EPHX1: variants seen among roughly 807,000 people sequenced by gnomAD.
The protein encoded by EPHX1 is epoxide hydrolase 1, also known as epoxide hydratase.
In EPHX1, 40 loss-of-function variants were observed where a neutral mutation model predicts 43.2. That is an observed-to-expected ratio of 0.93 (90% CI 0.72 to 1.21). EPHX1 has a LOEUF of 1.21. EPHX1 is among the 50% of genes most tolerant of loss of function. EPHX1 has a pLI of 0.00. For synonymous variants in EPHX1, 221 were observed against 226.7 expected, an observed-to-expected ratio of 0.98 and a Z score of 0.22; for missense variants, 550 against 570.4, an observed-to-expected ratio of 0.96 and a Z score of 0.36.
At position 225,845,350 on chromosome 1, in the gene EPHX1, C is replaced by A; in HGVS notation, c.*3C>A. ...TGTCGGTGCTGGAGCGGCAATGACC[C>A]ACCCCTCTCCCCCCGCCTGCCACCT... is the stretch of plus-strand genomic sequence containing the variant. On this transcript the variant is annotated 3_prime_UTR_variant, in exon 9 of 9. Transcript: ENST00000272167. 6.2e-7 allele frequency: 1 copy of A among 1,601,036 alleles called. No individual in the cohort carries two copies. The highest frequency in any genetic ancestry group is 8.5e-7 in the Non-Finnish European group (1 of 1,176,356).
rs753297238 is a variant in EPHX1, at chr1:225,845,363, C to T, written c.*16C>T. The T allele has an allele frequency of 1.3e-6, 2 of 1,563,720 alleles. No homozygotes were observed. The highest frequency in any genetic ancestry group is 2.3e-5 in the East Asian group (1 of 43,372). On this transcript the variant is annotated 3_prime_UTR_variant, in exon 9 of 9. Transcript: ENST00000272167. ...GCGGCAATGACCCACCCCTCTCCCC[C>T]CGCCTGCCACCTCCCCCCACAAGTG...
intron 3 of EPHX1, 108 bp downstream of exon 3, chr1:225,832,067 A>G (rs1667635757): frequency 4.8e-6 from 6 of 1,240,458 alleles, no homozygotes; most frequent in Non-Finnish European, 7.0e-6. Flanking sequence ...GAACCCAATT[A>G]TAGGTGACTG....
chr1:225,812,634 C>T (rs1666540471), intron 1 of EPHX1, among the ~76,000 whole-genome samples: 2 of 152,222 alleles, frequency 1.3e-5, no homozygotes, highest in Non-Finnish European at 2.9e-5. Flanking sequence ...CCTTGATTCC[C>T]GTTCTGGTAT....
intron 1 of EPHX1, among the ~76,000 whole-genome samples, chr1:225,826,411 C>T (rs963057684): frequency 9.6e-5 from 13 of 135,868 alleles, no homozygotes; most frequent in African/African-American, 2.6e-4. Context: ...TGCAGTGAGC[C>T]GAGATCGCAC....
chr1:225,828,791 G>C lies in EPHX1; in HGVS notation c.62G>C (p.Arg21Pro), dbSNP rs372505975. 7.4e-6 allele frequency: 12 copies of C among 1,613,788 alleles called. No individual in the cohort carries two copies. Among genetic ancestry groups the C allele is most frequent in the Non-Finnish European group, 9.3e-6 (11 of 1,179,974 alleles). ...TTTGCCATCTACTGGTTCATCTCCC[G>C]GGACAAAGAGGAAACTTTGCCACTT... ...LGFAIYWFIS[R>P]DKEETLPLED... Residue 21 changes from arginine to proline, a missense_variant, in exon 2 of 9, where the codon CGG becomes CCG. Transcript: ENST00000272167.
At chr1:225,815,254 GT>G (rs544480405) in intron 1 of EPHX1, among the ~76,000 whole-genome samples, 1 of 133,172 alleles carries the variant, frequency 7.5e-6, no homozygotes. Context: ...TTTTTGTCTT[GT>G]TTTTTTTTGA....
intron 7 of EPHX1, among the ~76,000 whole-genome samples, 165 bp downstream of exon 7, chr1:225,842,639 G>C (rs1485665582): frequency 6.6e-6 from 1 of 152,194 alleles, no homozygotes; most frequent in Non-Finnish European, 1.5e-5. Flanking sequence ...TGCATTTTTT[G>C]GGTGAGGTGG....
At chr1:225,823,853 C>T (rs1238842781) in intron 1 of EPHX1, among the ~76,000 whole-genome samples, 1 of 152,214 alleles carries the variant, frequency 6.6e-6, no homozygotes, top group Non-Finnish European at 1.5e-5. Flanking sequence ...GTCTCCACGG[C>T]TCCACACCCC....
chr1:225,824,686 G>A (rs533604118), intron 1 of EPHX1, among the ~76,000 whole-genome samples: 2 of 152,240 alleles, frequency 1.3e-5, no homozygotes, highest in African/African-American at 2.4e-5. Context: ...AGCAGACGGG[G>A]GGGTGTGGAG....
At chr1:225,821,957 G>C (rs960851024) in intron 1 of EPHX1, among the ~76,000 whole-genome samples, 1 of 152,116 alleles carries the variant, frequency 6.6e-6, no homozygotes, top group Non-Finnish European at 1.5e-5. Context: ...AAACTAACAA[G>C]TACTCTACTT....
intron 3 of EPHX1, among the ~76,000 whole-genome samples, chr1:225,834,097 CAAAAA>C (rs377164975): frequency 1.8e-5 from 1 of 56,938 alleles, no homozygotes; most frequent in Admixed American, 2.6e-4. Context: ...GACTCTGTCT[CAAAAA>C]AAAAAAAAAG....
chr1:225,835,277 G>A (rs937533934), intron 3 of EPHX1, among the ~76,000 whole-genome samples: 1 of 151,976 alleles, frequency 6.6e-6, no homozygotes, highest in South Asian at 2.1e-4. Context: ...GGAGTGCAGT[G>A]GTGTGATCAC....
At chr1:225,826,865 G>A (rs1425483377) in intron 1 of EPHX1, among the ~76,000 whole-genome samples, 2 of 152,116 alleles carry the variant, frequency 1.3e-5, no homozygotes, top group Non-Finnish European at 2.9e-5. Flanking sequence ...TGGGCTGTGG[G>A]GAAAGAATTG....
rs1311957348 is a variant in EPHX1 at position 225,817,125 on chromosome 1, G to A, written c.-6+6956G>A. On this transcript the variant is annotated intron_variant, in intron 1 of 8. Coordinates refer to ENST00000272167, the MANE Select transcript of EPHX1 (RefSeq NM_001136018.4). The surrounding 1 kb of genome is among the most constrained non-coding windows in gnomAD (Gnocchi z 5.7). ...CCGGCGCTTGCACAGAGATAAACAC[G>A]GCCATTGGCCTGGTGCACAATCCCA... is the stretch of plus-strand genomic sequence containing the variant. 2.0e-5 allele frequency among the ~76,000 whole-genome samples: 3 copies of A among 152,152 alleles called. No individual in the cohort carries two copies. Among genetic ancestry groups the A allele is most frequent in the South Asian group, 2.1e-4 (1 of 4,830 alleles).
rs79608692 is a variant in EPHX1, at chr1:225,819,574, G to C, written c.-5-9151G>C. Among the ~76,000 whole-genome samples the C allele has an allele frequency of 3.9e-3, 600 of 152,220 alleles. 18 individuals carry two copies. In the East Asian group the frequency reaches 0.07, roughly 18 times the overall value. ...ATGTACTTTGGAAGTTCAGCTGCCA[G>C]AACTTACTGATATCTGTGGCGGAGT... is the stretch of plus-strand genomic sequence containing the variant. On this transcript the variant is annotated intron_variant, in intron 1 of 8. Coordinates refer to ENST00000272167, the MANE Select transcript of EPHX1 (RefSeq NM_001136018.4).
intron 6 of EPHX1, 66 bp downstream of exon 6, chr1:225,840,103 A>G: frequency 6.6e-7 from 1 of 1,507,812 alleles, no homozygotes; most frequent in Non-Finnish European, 9.2e-7. Flanking sequence ...CCCGCGGGGT[A>G]ACCTCACCAC....
At chr1:225,822,474 G>C (rs1415980226) in intron 1 of EPHX1, among the ~76,000 whole-genome samples, 1 of 152,206 alleles carries the variant, frequency 6.6e-6, no homozygotes, top group African/African-American at 2.4e-5. Flanking sequence ...TTTTGAGGCA[G>C]ATCAATGAAG....
At position 225,828,829 on chromosome 1, in the gene EPHX1, T is replaced by C. The variant is rs776831932; in HGVS notation, c.100T>C (p.Trp34Arg). The C allele has an allele frequency of 6.2e-7, 1 of 1,612,940 alleles. No individual in the cohort carries two copies. Among genetic ancestry groups the C allele is most frequent in the South Asian group, 1.1e-5 (1 of 90,782 alleles). The change falls in exon 2 of 9, where the codon TGG (tryptophan) becomes CGG (arginine). Residue 34 changes from tryptophan to arginine, a missense_variant. Trp to Arg is a moderately radical substitution (Grantham distance 101, BLOSUM62 -3). Transcript: ENST00000272167. Reference sequence around the variant, plus strand: ...AACTTTGCCACTTGAAGATGGGTGGTGGGGGCCAGGCACGAGGTCCGCAGC... The same window carrying C: ...AACTTTGCCACTTGAAGATGGGTGGCGGGGGCCAGGCACGAGGTCCGCAGC... ...EETLPLEDGW[W>R]GPGTRSAARE...
chr1:225,821,685 C>G (rs1476214058), intron 1 of EPHX1, among the ~76,000 whole-genome samples: 3 of 150,456 alleles, frequency 2.0e-5, no homozygotes, highest in Non-Finnish European at 4.4e-5. Flanking sequence ...TTCAGCCTCC[C>G]GAGTAGCTGG....
Sources: allele counts gnomAD v4.1 joint callset (sites outside exome capture counted in the v4.1 genomes callset), GRCh38; gene constraint gnomAD v4.1.1; non-coding constraint Gnocchi (gnomAD v3.1); transcripts MANE v1.5; gene names NCBI Gene and HGNC (gene_info 2026-07-23, HGNC 2026-07-21).